Variants in FBXL17 observed in about 807,000 individuals in gnomAD.
The protein encoded by FBXL17 is F-box and leucine rich repeat protein 17, also known as F-box/LRR-repeat protein 17.
FBXL17 carries 22 observed loss-of-function variants against 66.2 expected under a neutral mutation model. The observed-to-expected ratio is 0.33, with a 90% CI of 0.24 to 0.47. The LOEUF (loss-of-function observed/expected upper bound fraction) is 0.47. Among genes scored for constraint, FBXL17 ranks in the 20% least tolerant of loss-of-function variants. FBXL17 has a pLI of 1.00. For synonymous variants in FBXL17, 474 were observed against 400.5 expected (o/e 1.18, Z -2.19); for missense variants, 878 against 948.2 (o/e 0.93, Z 0.97).
At chr5:108,040,558 C>T (rs868145264) in intron 6 of FBXL17, among the ~76,000 whole-genome samples, 2 of 151,928 alleles carry the variant, frequency 1.3e-5, no homozygotes, top group Non-Finnish European at 2.9e-5. Context: ...TTTAATAAGA[C>T]GATATATATT....
chr5:107,995,893 C>A (rs547743338), intron 7 of FBXL17, among the ~76,000 whole-genome samples: 1 of 152,208 alleles, frequency 6.6e-6, no homozygotes, highest in Admixed American at 6.5e-5. Context: ...AAAAATGAGA[C>A]AATGAAGCAG....
chr5:108,023,305 A>G (rs896084041), intron 6 of FBXL17, among the ~76,000 whole-genome samples: 1 of 152,182 alleles, frequency 6.6e-6, no homozygotes, highest in Non-Finnish European at 1.5e-5. Context: ...TGGATTTTAC[A>G]TTTGAAAAGA....
intron 7 of FBXL17, among the ~76,000 whole-genome samples, chr5:107,949,497 G>A (rs1246323833): frequency 6.6e-6 from 1 of 152,124 alleles, no homozygotes; most frequent in Admixed American, 6.5e-5. Flanking sequence ...TTAATGAGCA[G>A]GGCTGGACCC....
In FBXL17 at chr5:107,860,792, G is replaced by C. The variant is rs1345284571; in HGVS notation, c.*928C>G. The C allele has an allele frequency of 6.6e-6, 1 of 152,470 alleles. No homozygotes were observed. The highest frequency in any genetic ancestry group is 1.5e-5 in the Non-Finnish European group (1 of 68,010). 9.4% of individuals were successfully genotyped at this position (152,470 alleles called of 1,614,324 possible). A position where few individuals can be genotyped will look rare whatever the true frequency, so the allele number is the denominator to read the frequency against. Reference sequence around the variant, plus strand: ...ACTACCCTCTCGTATCTCAGAAATAGACTTTAATAATTACCAAAATTAAGA... The same window carrying C: ...ACTACCCTCTCGTATCTCAGAAATACACTTTAATAATTACCAAAATTAAGA... On this transcript the variant is annotated 3_prime_UTR_variant, in exon 9 of 9. Transcript: ENST00000542267.
At chr5:107,961,175 T>C (rs1386494021) in intron 7 of FBXL17, among the ~76,000 whole-genome samples, 1 of 151,994 alleles carries the variant, frequency 6.6e-6, no homozygotes, top group Non-Finnish European at 1.5e-5. Context: ...AGCTGCTTTT[T>C]TCTTTTCTTT....
At chr5:108,038,007 A>T (rs1170302315) in intron 6 of FBXL17, among the ~76,000 whole-genome samples, 1 of 152,176 alleles carries the variant, frequency 6.6e-6, no homozygotes. Flanking sequence ...ATGGAATGGC[A>T]CCATAAGAAG....
intron 4 of FBXL17, among the ~76,000 whole-genome samples, chr5:108,327,491 A>G (rs147818942): frequency 8.0e-4 from 122 of 152,334 alleles, no homozygotes; most frequent in African/African-American, 2.9e-3. Context: ...TTTAACTGCA[A>G]AGAATGAAGA....
chr5:108,259,794 T>G (rs990749492), intron 4 of FBXL17, among the ~76,000 whole-genome samples: 31 of 152,226 alleles, frequency 2.0e-4, no homozygotes, highest in African/African-American at 7.2e-4. Context: ...GCTGTCAAAA[T>G]AAAAATTTAA....
intron 7 of FBXL17, among the ~76,000 whole-genome samples, chr5:107,985,173 T>C (rs889200649): frequency 2.0e-5 from 3 of 152,230 alleles, no homozygotes; most frequent in African/African-American, 7.2e-5. Flanking sequence ...ATAATCCATG[T>C]GAAGCAGGTT....
At chr5:108,164,197 A>G (rs1445009831) in intron 6 of FBXL17, among the ~76,000 whole-genome samples, 1 of 152,260 alleles carries the variant, frequency 6.6e-6, no homozygotes, top group Non-Finnish European at 1.5e-5. Flanking sequence ...TAAGCACATA[A>G]TTAATTTATT....
intron 4 of FBXL17, among the ~76,000 whole-genome samples, chr5:108,281,920 T>C (rs940130080): frequency 6.6e-6 from 1 of 151,650 alleles, no homozygotes; most frequent in East Asian, 1.9e-4. Flanking sequence ...AGGAAATGGA[T>C]AAATGCTTGG....
In FBXL17 at chr5:108,381,115, G is replaced by C. The variant is rs1235288157; in HGVS notation, c.577C>G (p.Pro193Ala). 5.3e-6 allele frequency: 7 copies of C among 1,320,214 alleles called. No homozygotes were observed. In the East Asian group the frequency reaches 2.2e-4, roughly 41 times the overall value. 81.8% of individuals were successfully genotyped at this position (1,320,214 alleles called of 1,614,324 possible). The change falls in exon 1 of 9, where the codon CCC becomes GCC. Residue 193 changes from proline to alanine, a missense_variant. Coordinates refer to ENST00000542267, the MANE Select transcript of FBXL17 (RefSeq NM_001163315.3). The stretch of plus-strand genomic sequence containing the variant: ...CCCTTCCGCTTGCACACCATTTCGG[G>C]GGGCGTAGGGAGCTCGGCCGGTGAC... ...TPSPAELPTP[P>A]EMVCKRKGAG... is the part of the protein sequence containing the mutation.
intron 6 of FBXL17, among the ~76,000 whole-genome samples, chr5:108,083,070 A>C (rs1422202616): frequency 6.6e-6 from 1 of 152,188 alleles, no homozygotes; most frequent in Non-Finnish European, 1.5e-5. Flanking sequence ...GATATAAGAA[A>C]ACTGAAAAAT....
intron 6 of FBXL17, among the ~76,000 whole-genome samples, chr5:108,140,844 T>C (rs1194783442): frequency 1.3e-5 from 2 of 152,034 alleles, no homozygotes; most frequent in Non-Finnish European, 1.5e-5. Flanking sequence ...TTTTTTTTTT[T>C]ACTCCCCACA....
At chr5:107,988,238 A>G (rs941490650) in intron 7 of FBXL17, among the ~76,000 whole-genome samples, 1 of 152,052 alleles carries the variant, frequency 6.6e-6, no homozygotes, top group African/African-American at 2.4e-5. Context: ...AAACCAAGTA[A>G]TTCTATATCT....
rs139185488 is a variant in FBXL17, at chr5:107,959,474, C to T, written c.1822+61451G>A. Reference sequence around the variant, plus strand: ...TTTCTGTACATATGTTGTGTTGTGCCCCACCTGCCTTCGCCTGGTTCTAAT... The same window carrying T: ...TTTCTGTACATATGTTGTGTTGTGCTCCACCTGCCTTCGCCTGGTTCTAAT... On this transcript the variant is annotated intron_variant, in intron 7 of 8. Transcript: ENST00000542267. Among the ~76,000 whole-genome samples the T allele has an allele frequency of 3.1e-3, 470 of 151,570 alleles. 3 individuals are homozygous for T. Among genetic ancestry groups the T allele is most frequent in the African/African-American group, 0.011 (446 of 41,258 alleles).
rs1748051080 is a variant in FBXL17, at chr5:107,859,124, T to G, written c.*2596A>C. ...AACCGGGTGAATTTTCTTTATCCAC[T>G]CAAAAAGACATTAAAGACAAAGGAC... On this transcript the variant is annotated 3_prime_UTR_variant, in exon 9 of 9. Transcript: ENST00000542267. The G allele has an allele frequency of 6.6e-6, 1 of 152,106 alleles. No individual in the cohort carries two copies. The highest frequency in any genetic ancestry group is 2.4e-5 in the African/African-American group (1 of 41,412). 9.4% of individuals were successfully genotyped at this position (152,106 alleles called of 1,614,324 possible).
intron 7 of FBXL17, among the ~76,000 whole-genome samples, chr5:107,939,411 A>G (rs1205771362): frequency 6.6e-6 from 1 of 151,960 alleles, no homozygotes; most frequent in Non-Finnish European, 1.5e-5. Context: ...CTCTTTCTCA[A>G]TCTTCTTTCT....
At chr5:107,953,402 C>CAA (rs1166788701) in intron 7 of FBXL17, among the ~76,000 whole-genome samples, 5,833 of 49,996 alleles carry the variant, frequency 0.12, 292 homozygotes, top group Non-Finnish European at 0.17. Flanking sequence ...GACTCTCTCT[C>CAA]AAAAAAAAAA....
Sources: gnomAD v4.1 joint callset for allele counts (sites outside exome capture counted in the v4.1 genomes callset) on GRCh38, gnomAD v4.1.1 for gene constraint, MANE v1.5 for transcripts, NCBI Gene and HGNC (gene_info 2026-07-23, HGNC 2026-07-21) for gene names.